Variants in DOCK8 observed in about 807,000 individuals in gnomAD.
DOCK8 encodes dedicator of cytokinesis 8.
DOCK8 carries 141 observed loss-of-function variants against 245.6 expected under a neutral mutation model. That is an observed-to-expected ratio of 0.57 (90% confidence interval 0.50 to 0.66). The LOEUF is 0.66. Among genes scored for constraint, DOCK8 ranks in the 30% least tolerant of loss-of-function variants. The pLI is 0.00. For synonymous variants in DOCK8, 1,168 were observed against 970.2 expected (o/e 1.20, Z -3.79); for missense variants, 2,965 against 2,603.4 (o/e 1.14, Z -3.02).
At position 336,706 on chromosome 9, in the gene DOCK8, C is replaced by A; in HGVS notation, c.1410C>A (p.Ser470Arg). Residue 470 changes from serine to arginine, a missense_variant, in exon 12 of 48, where the codon AGC becomes AGA. Around this residue, in one of 3 missense-constraint regions of DOCK8, gnomAD observed 2,825 missense variants for 2,453.5 expected, o/e 1.15. Transcript: ENST00000432829. Reference sequence around the variant, plus strand: ...AAACCTCCACTCTGAGCGTTAGCAGCTTTTTCAAGCAGGTATCTCTTCACA... The same window carrying A: ...AAACCTCCACTCTGAGCGTTAGCAGATTTTTCAAGCAGGTATCTCTTCACA... ...NFKTSTLSVS[S>R]FFKQEGDRLS... 1 of 1,613,980 alleles carries A rather than the reference C, an allele frequency of 6.2e-7. No homozygotes were observed. Among genetic ancestry groups the A allele is most frequent in the Non-Finnish European group, 8.5e-7 (1 of 1,179,934 alleles).
At chr9:235,792 T>A (rs554805103) in intron 1 of DOCK8, among the ~76,000 whole-genome samples, 1 of 152,278 alleles carries the variant, frequency 6.6e-6, no homozygotes, top group East Asian at 1.9e-4. Context: ...ATTTTCCGGG[T>A]GCCGTCTGTC....
At chr9:279,322 A>G (rs184187432) in intron 2 of DOCK8, among the ~76,000 whole-genome samples, 29 of 152,290 alleles carry the variant, frequency 1.9e-4, no homozygotes, top group African/African-American at 6.5e-4. Context: ...GGAAAAGTCA[A>G]CCTGGAATTT....
At chr9:325,569 A>T in intron 7 of DOCK8, 102 bp from the exon 8 acceptor site, 1 of 944,952 alleles carries the variant, frequency 1.1e-6, no homozygotes, top group Admixed American at 1.7e-5. Context: ...TATTTCGGGA[A>T]ACTGCTCATA....
chr9:325,482 T>C (rs1425677589), intron 7 of DOCK8, among the ~76,000 whole-genome samples, 189 bp from the exon 8 acceptor site: 1 of 152,208 alleles, frequency 6.6e-6, no homozygotes, highest in Non-Finnish European at 1.5e-5. Flanking sequence ...CTCAAATGAT[T>C]AGGAATTTTT....
At chr9:401,206 G>C (rs957711438) in intron 26 of DOCK8, among the ~76,000 whole-genome samples, 7 of 150,924 alleles carry the variant, frequency 4.6e-5, no homozygotes, top group Non-Finnish European at 8.8e-5. Flanking sequence ...AAAATAAGAA[G>C]GGGGGGTTGA....
At position 462,121 on chromosome 9, in the gene DOCK8, G is replaced by A. The variant is rs1008818786; in HGVS notation, c.6069-1396G>A. Reference sequence around the variant, plus strand: ...CATCTGTTAGTTTTCCCTCGTGGTGGTTGGTTTCTTCATATGGTTTGTAAT... The same window carrying A: ...CATCTGTTAGTTTTCCCTCGTGGTGATTGGTTTCTTCATATGGTTTGTAAT... On this transcript the variant is annotated intron_variant, in intron 46 of 47. Coordinates refer to ENST00000432829, the MANE Select transcript of DOCK8 (RefSeq NM_203447.4). 2.6e-5 allele frequency among the ~76,000 whole-genome samples: 4 copies of A among 151,910 alleles called. No homozygotes were observed. In the South Asian group the frequency reaches 6.2e-4, roughly 24 times the overall value.
intron 16 of DOCK8, 115 bp from the exon 17 acceptor site, chr9:371,313 T>C: frequency 7.9e-7 from 1 of 1,273,056 alleles, no homozygotes; most frequent in Non-Finnish European, 1.1e-6. Flanking sequence ...TAATGTAAAA[T>C]GAAAAGCAAA....
At chr9:358,251 A>AT (rs1563960635) in intron 14 of DOCK8, among the ~76,000 whole-genome samples, 2 of 151,618 alleles carry the variant, frequency 1.3e-5, no homozygotes. Context: ...TGCCTGGCTA[A>AT]TAAAAAAAAA....
At chr9:327,578 G>A (rs1304897892) in intron 8 of DOCK8, among the ~76,000 whole-genome samples, 2 of 151,858 alleles carry the variant, frequency 1.3e-5, no homozygotes, top group African/African-American at 4.8e-5. Context: ...TGTATTTTTT[G>A]TAGAGGCAGG....
chr9:311,670 T>C (rs1409091482), intron 5 of DOCK8, among the ~76,000 whole-genome samples: 1 of 152,162 alleles, frequency 6.6e-6, no homozygotes, highest in Non-Finnish European at 1.5e-5. Context: ...CAACAACCGA[T>C]AGGAATGTAG....
At position 334,309 on chromosome 9, in the gene DOCK8, G is replaced by A. The variant is rs2051201334; in HGVS notation, c.1210G>A (p.Ala404Thr). 1.9e-6 allele frequency: 3 copies of A among 1,614,184 alleles called. No individual in the cohort carries two copies. In the East Asian group the frequency reaches 6.7e-5, roughly 36 times the overall value. Residue 404 changes from alanine to threonine, a missense_variant, in exon 11 of 48, where the codon GCA (alanine) becomes ACA (threonine). Ala to Thr is a moderately conservative substitution (Grantham distance 58). Around this residue, in one of 3 missense-constraint regions of DOCK8, gnomAD observed 2,825 missense variants for 2,453.5 expected, o/e 1.15. Coordinates refer to ENST00000432829, the MANE Select transcript of DOCK8 (RefSeq NM_203447.4). ...LGKYRMPFAWAPISLSSFFNV... is the reference protein window; with the variant it reads ...LGKYRMPFAWTPISLSSFFNV... ...GAAATACCGGATGCCCTTTGCCTGG[G>A]CACCCATAAGCTTATCAAGCTTCTT... is the stretch of plus-strand genomic sequence containing the variant.
At chr9:253,103 C>G (rs2047688801) in intron 1 of DOCK8, among the ~76,000 whole-genome samples, 1 of 152,090 alleles carries the variant, frequency 6.6e-6, no homozygotes, top group Non-Finnish European at 1.5e-5. Context: ...CCCACCATTG[C>G]TTTTTTGGGA....
chr9:413,924 T>A (rs1276430208), intron 28 of DOCK8, among the ~76,000 whole-genome samples: 2 of 152,136 alleles, frequency 1.3e-5, no homozygotes, highest in Non-Finnish European at 2.9e-5. Context: ...GGCAGATCAT[T>A]TGAGGCCAGG....
At chr9:225,834 T>A (rs4741644) in intron 1 of DOCK8, among the ~76,000 whole-genome samples, 5,407 of 152,064 alleles carry the variant, frequency 0.036, 138 homozygotes, top group Non-Finnish European at 0.054. Flanking sequence ...GAGAAAAACC[T>A]CTGAGCCAAG....
chr9:383,405 G>A (rs932236349), intron 22 of DOCK8, among the ~76,000 whole-genome samples: 3 of 152,194 alleles, frequency 2.0e-5, no homozygotes, highest in African/African-American at 7.2e-5. Flanking sequence ...GGTGGCACAT[G>A]CCTGTAATCC....
At chr9:219,762 TGGCTTGC>T (rs2046842756) in intron 1 of DOCK8, among the ~76,000 whole-genome samples, 1 of 152,156 alleles carries the variant, frequency 6.6e-6, no homozygotes, top group Non-Finnish European at 1.5e-5. Context: ...CCAGCTGTGG[TGGCTTGC>T]ACCTGTAGTC....
At chr9:345,361 C>T (rs183306872) in intron 14 of DOCK8, among the ~76,000 whole-genome samples, 4 of 152,280 alleles carry the variant, frequency 2.6e-5, no homozygotes, top group African/African-American at 7.2e-5. Context: ...ACACCTCTGT[C>T]GGGCCAAACA....
chr9:284,221 G>A (rs780102098), intron 2 of DOCK8, among the ~76,000 whole-genome samples: 1 of 152,148 alleles, frequency 6.6e-6, no homozygotes, highest in Non-Finnish European at 1.5e-5. Context: ...TGGCAGATTG[G>A]CAGATGCATT....
At chr9:298,802 A>C (rs1563891908) in intron 4 of DOCK8, among the ~76,000 whole-genome samples, 1 of 151,954 alleles carries the variant, frequency 6.6e-6, no homozygotes, top group Non-Finnish European at 1.5e-5. Context: ...CTGCTTCCTA[A>C]TTTTTATTTC....
Sources: gnomAD v4.1 joint callset for allele counts (sites outside exome capture counted in the v4.1 genomes callset) on GRCh38, gnomAD v4.1.1 for gene constraint, gnomAD v4.1.1 regional missense constraint, MANE v1.5 for transcripts, NCBI Gene and HGNC (gene_info 2026-07-23, HGNC 2026-07-21) for gene names.